The following ST6GALNAC3 variants were observed in gnomAD, a reference collection of about 807,000 sequenced individuals.
ST6GALNAC3 encodes alpha-N-acetylgalactosaminide alpha-2,6-sialyltransferase 3.
Under a neutral mutation model 32.7 loss-of-function variants are expected in ST6GALNAC3, and 25 were observed. That is an observed-to-expected ratio of 0.76 (90% confidence interval 0.56 to 1.07). The LOEUF is 1.07. ST6GALNAC3 is among the 50% of genes least tolerant of loss of function. The pLI, the probability that ST6GALNAC3 is intolerant of heterozygous loss-of-function variation, is 0.00. For synonymous variants in ST6GALNAC3, 129 were observed against 133.1 expected, an observed-to-expected ratio of 0.97 and a Z score of 0.21; for missense variants, 355 against 382.4, an observed-to-expected ratio of 0.93 and a Z score of 0.60.
intron 2 of ST6GALNAC3, among the ~76,000 whole-genome samples, chr1:76,382,617 C>T (rs1386757753): frequency 1.3e-5 from 2 of 152,158 alleles, no homozygotes; most frequent in Admixed American, 1.3e-4. Context: ...GGTCCTGAGA[C>T]CACTTCTGGT....
chr1:76,076,289 C>T (rs1646815281), intron 1 of ST6GALNAC3, among the ~76,000 whole-genome samples: 2 of 152,196 alleles, frequency 1.3e-5, no homozygotes, highest in African/African-American at 2.4e-5. Context: ...CTGCCTTGTC[C>T]TATACATGTG....
chr1:76,321,902 C>T (rs1419582943), intron 2 of ST6GALNAC3, among the ~76,000 whole-genome samples: 2 of 152,132 alleles, frequency 1.3e-5, no homozygotes, highest in Admixed American at 6.5e-5. Flanking sequence ...GAGGCATCAG[C>T]AGTCAAACTA....
chr1:76,338,668 G>T (rs1184313745), intron 2 of ST6GALNAC3, among the ~76,000 whole-genome samples: 2 of 152,288 alleles, frequency 1.3e-5, no homozygotes, highest in African/African-American at 2.4e-5. Context: ...TGATGCTGAT[G>T]CTAAGTAGAC....
At chr1:76,505,176 T>G (rs574470327) in intron 3 of ST6GALNAC3, among the ~76,000 whole-genome samples, 1 of 150,164 alleles carries the variant, frequency 6.7e-6, no homozygotes, top group Admixed American at 6.7e-5. Flanking sequence ...CAGGCTGGAG[T>G]GCAGAGGCGC....
At chr1:76,567,287 C>T (rs1665609975) in intron 3 of ST6GALNAC3, among the ~76,000 whole-genome samples, 1 of 152,038 alleles carries the variant, frequency 6.6e-6, no homozygotes, top group Non-Finnish European at 1.5e-5. Context: ...ACTATGCAAG[C>T]TGGTATAGGC....
chr1:76,231,478 G>A (rs151058137), intron 1 of ST6GALNAC3, among the ~76,000 whole-genome samples: 1,684 of 152,202 alleles, frequency 0.011, 32 homozygotes, highest in African/African-American at 0.038. Flanking sequence ...TCTATACCCA[G>A]TAAACAACAA....
intron 1 of ST6GALNAC3, among the ~76,000 whole-genome samples, chr1:76,216,276 A>G (rs577086637): frequency 7.9e-5 from 12 of 152,304 alleles, no homozygotes; most frequent in African/African-American, 2.6e-4. Context: ...ACACACGCAC[A>G]GACACAGACT....
Position 76,249,650 on chromosome 1 carries a change from G to A in ST6GALNAC3, c.19-64155G>A, listed in dbSNP as rs116010586. Among the ~76,000 whole-genome samples the A allele has an allele frequency of 7.0e-3, 1,067 of 152,212 alleles. 16 individuals carry two copies. The highest frequency in any genetic ancestry group is 0.024 in the African/African-American group (1,013 of 41,524). On this transcript the variant is annotated intron_variant, in intron 1 of 4. Transcript: ENST00000328299. ...GTATATACTTAGGCTTAAAAGTGTT[G>A]CATCATATGGTATGTCTATGTTTAA... is the stretch of plus-strand genomic sequence containing the variant.
chr1:76,528,532 T>A (rs887791382), intron 3 of ST6GALNAC3, among the ~76,000 whole-genome samples: 8 of 152,282 alleles, frequency 5.3e-5, no homozygotes, highest in Admixed American at 3.9e-4. Context: ...ACCAGACGCA[T>A]ACATAGTATG....
intron 1 of ST6GALNAC3, among the ~76,000 whole-genome samples, chr1:76,249,852 T>A (rs1236384065): frequency 2.0e-5 from 3 of 152,216 alleles, no homozygotes; most frequent in Non-Finnish European, 4.4e-5. Flanking sequence ...TTCTGTTGAT[T>A]AATAATGTTT....
intron 1 of ST6GALNAC3, among the ~76,000 whole-genome samples, chr1:76,131,749 ATGTCT>A (rs1649624087): frequency 6.6e-6 from 1 of 152,166 alleles, no homozygotes; most frequent in Non-Finnish European, 1.5e-5. Context: ...TAAAAGAGTA[ATGTCT>A]TTCTTTCCAC....
intron 2 of ST6GALNAC3, among the ~76,000 whole-genome samples, chr1:76,390,235 G>A (rs1267127906): frequency 6.6e-6 from 1 of 152,110 alleles, no homozygotes; most frequent in African/African-American, 2.4e-5. Flanking sequence ...TTTTGGCTAA[G>A]TTGCTCCATA....
Position 76,451,517 on chromosome 1 carries a change from G to A in ST6GALNAC3, c.623+39100G>A, listed in dbSNP as rs181758530. ...TATAATTCAAGATAAGTTTTGGGTGGGGGCACATCCAAATCATATCACCAT... is the reference window on the plus strand; with the variant it reads ...TATAATTCAAGATAAGTTTTGGGTGAGGGCACATCCAAATCATATCACCAT... On this transcript the variant is annotated intron_variant, in intron 3 of 4. Transcript: ENST00000328299. Among the ~76,000 whole-genome samples, 180 of 152,216 alleles carry A rather than the reference G, an allele frequency of 1.2e-3. 1 individual carries two copies. The highest frequency in any genetic ancestry group is 7.9e-3 in the South Asian group (38 of 4,820).
intron 3 of ST6GALNAC3, among the ~76,000 whole-genome samples, chr1:76,463,072 AT>A (rs1240897367): frequency 6.6e-6 from 1 of 152,196 alleles, no homozygotes; most frequent in Non-Finnish European, 1.5e-5. Context: ...AGTTTAGAAA[AT>A]TTAATCCCAG....
At chr1:76,572,603 C>T (rs993279659) in intron 3 of ST6GALNAC3, among the ~76,000 whole-genome samples, 4 of 152,122 alleles carry the variant, frequency 2.6e-5, no homozygotes, top group Non-Finnish European at 4.4e-5. Context: ...ACTAAAGAAT[C>T]TCTTGTCTGT....
intron 1 of ST6GALNAC3, among the ~76,000 whole-genome samples, chr1:76,189,700 C>T (rs758076507): frequency 6.6e-6 from 1 of 150,562 alleles, no homozygotes; most frequent in Non-Finnish European, 1.5e-5. Flanking sequence ...TTTCTGACCC[C>T]TCCTCCCACC....
rs1298713258 is a variant in ST6GALNAC3 at position 76,437,577 on chromosome 1, T to C, written c.623+25160T>C. ...CTATAATTCTTTTCTTTCTTTTTTT[T>C]TTCTCTTTTTTTTTTTTTTGAGACG... On this transcript the variant is annotated intron_variant, in intron 3 of 4. Transcript: ENST00000328299. Among the ~76,000 whole-genome samples, 3 of 101,004 alleles carry C rather than the reference T, an allele frequency of 3.0e-5. No homozygotes were observed. In the South Asian group the frequency reaches 8.7e-4, roughly 29 times the overall value. 66.3% of individuals were successfully genotyped at this position (101,004 alleles called of 152,430 possible). A position where few individuals can be genotyped will look rare whatever the true frequency, so the allele number is the denominator to read the frequency against.
At chr1:76,098,621 C>A (rs1329938665) in intron 1 of ST6GALNAC3, among the ~76,000 whole-genome samples, 2 of 151,928 alleles carry the variant, frequency 1.3e-5, no homozygotes, top group African/African-American at 4.8e-5. Flanking sequence ...AAAATGGGTT[C>A]TCTTTTACCT....
At chr1:76,127,657 T>C (rs1476147454) in intron 1 of ST6GALNAC3, among the ~76,000 whole-genome samples, 1 of 152,200 alleles carries the variant, frequency 6.6e-6, no homozygotes, top group Admixed American at 6.5e-5. Context: ...CTGCTTTTAG[T>C]AGCATCGAAT....
Sources: gnomAD v4.1 joint callset for allele counts (sites outside exome capture counted in the v4.1 genomes callset) on GRCh38, gnomAD v4.1.1 for gene constraint, MANE v1.5 for transcripts, NCBI Gene and HGNC (gene_info 2026-07-23, HGNC 2026-07-21) for gene names.